DPEP1: variants seen among roughly 807,000 people sequenced by gnomAD.
The protein encoded by DPEP1 is dipeptidase 1.
Under a neutral mutation model 42.3 loss-of-function variants are expected in DPEP1, and 50 were observed. The observed-to-expected ratio is 1.18, with a 90% confidence interval of 0.94 to 1.50. DPEP1 has a LOEUF of 1.50. DPEP1 is among the 40% of genes most tolerant of loss of function. The probability of loss-of-function intolerance (pLI) is 0.00; values close to 1 mark genes in which losing one functional copy is unlikely to be tolerated. For synonymous variants in DPEP1, 297 were observed against 234.0 expected (o/e 1.27, Z -2.46); for missense variants, 663 against 553.0 (o/e 1.20, Z -1.99).
chr16:89,630,160 C>A (rs1038028906), intron 1 of DPEP1, 145 bp from the exon 2 acceptor site: 1 of 341,686 alleles, frequency 2.9e-6, no homozygotes, highest in African/African-American at 2.2e-5. Flanking sequence ...CAGACAGCAA[C>A]GCCCAGTCAT....
Position 89,637,137 on chromosome 16 carries a change from C to G in DPEP1, c.592-67C>G, listed in dbSNP as rs2059691843. 22 of 1,567,402 alleles carry G rather than the reference C, an allele frequency of 1.4e-5. No individual in the cohort carries two copies. The South Asian group carries it at 2.5e-4, about 18-fold the overall frequency. On this transcript the variant is annotated intron_variant, in intron 6 of 10. Coordinates refer to ENST00000690203, the MANE Select transcript of DPEP1 (RefSeq NM_001389466.1). ...GAAGGATGATGACTCACATCTGGTC[C>G]AGCCCGTCCACCTCCGCAGCCCCGA...
downstream of DPEP1, among the ~76,000 whole-genome samples, chr16:89,641,086 A>G (rs2059739388): frequency 6.6e-6 from 1 of 152,232 alleles, no homozygotes; most frequent in African/African-American, 2.4e-5. Flanking sequence ...CAAAGACTTT[A>G]GTACTTTCAC....
intron 2 of DPEP1, among the ~76,000 whole-genome samples, chr16:89,635,476 C>G (rs2059664758): frequency 6.6e-6 from 1 of 152,188 alleles, no homozygotes; most frequent in Non-Finnish European, 1.5e-5. Context: ...CAGCCACCCA[C>G]CATATTCCCC....
chr16:89,630,495 G>A lies in DPEP1; in HGVS notation c.85G>A (p.Asp29Asn). The A allele has an allele frequency of 6.3e-7, 1 of 1,598,648 alleles. No individual in the cohort carries two copies. Among genetic ancestry groups the A allele is most frequent in the Non-Finnish European group, 8.5e-7 (1 of 1,172,538 alleles). ...GGACGAGGCAGAGAGGATCATGAGG[G>A]ACTCCCCTGTCATTGATGGGTGAGT... ...FRDEAERIMR[D>N]SPVIDGHNDL... The change falls in exon 2 of 11, where the codon GAC becomes AAC. Residue 29 changes from aspartate (D) to asparagine (N), a missense_variant. Physicochemically the swap from Asp to Asn is conservative, Grantham distance 23. Coordinates refer to ENST00000690203, the MANE Select transcript of DPEP1 (RefSeq NM_001389466.1).
At chr16:89,633,770 T>TGAGG in intron 2 of DPEP1, among the ~76,000 whole-genome samples, 1 of 152,120 alleles carries the variant, frequency 6.6e-6, no homozygotes, top group Non-Finnish European at 1.5e-5. Context: ...CACCCTCATG[T>TGAGG]TACAGATGGG....
chr16:89,621,687 G>T (rs1483566121), intron 1 of DPEP1, among the ~76,000 whole-genome samples: 1 of 152,232 alleles, frequency 6.6e-6, no homozygotes, highest in Non-Finnish European at 1.5e-5. Context: ...GCTCAGGTGA[G>T]CAGGTGCGCG....
intron 2 of DPEP1, among the ~76,000 whole-genome samples, chr16:89,635,222 CT>C (rs150470788): frequency 1.4e-5 from 2 of 138,974 alleles, no homozygotes; most frequent in African/African-American, 6.4e-5. Context: ...CTCCTTTCCC[CT>C]TCCTTCTCAT....
chr16:89,618,260 G>T (rs561768102), intron 1 of DPEP1, among the ~76,000 whole-genome samples: 1 of 151,920 alleles, frequency 6.6e-6, no homozygotes, highest in Non-Finnish European at 1.5e-5. Flanking sequence ...TCTGTCACCC[G>T]GGCTGGAGTG....
At chr16:89,634,297 C>T (rs2059631298) in intron 2 of DPEP1, among the ~76,000 whole-genome samples, 1 of 152,144 alleles carries the variant, frequency 6.6e-6, no homozygotes, top group Admixed American at 6.6e-5. Flanking sequence ...CCATGTTAGC[C>T]AGGATGATCT....
Position 89,629,638 on chromosome 16 carries a change from G to A in DPEP1, c.-106-667G>A, listed in dbSNP as rs78459708. Among the ~76,000 whole-genome samples the A allele has an allele frequency of 5.9e-3, 893 of 151,990 alleles. 7 individuals are homozygous for A. The highest frequency in any genetic ancestry group is 0.018 in the African/African-American group (726 of 41,446). On this transcript the variant is annotated intron_variant, in intron 1 of 10. Coordinates refer to ENST00000690203, the MANE Select transcript of DPEP1 (RefSeq NM_001389466.1). ...CCAGCCCTGGGATTAAGATTCTTCC[G>A]TCAGGGCACCACCTGGGAACTGTGT...
chr16:89,630,933 A>G (rs1015858635), intron 2 of DPEP1, among the ~76,000 whole-genome samples: 7 of 151,610 alleles, frequency 4.6e-5, no homozygotes, highest in Non-Finnish European at 1.0e-4. Flanking sequence ...GGGGTCTCTC[A>G]GGGCCCCCAA....
chr16:89,613,893 G>A (rs962891330), intron 1 of DPEP1, among the ~76,000 whole-genome samples, 174 bp downstream of exon 1: 2 of 149,532 alleles, frequency 1.3e-5, no homozygotes, highest in Non-Finnish European at 3.0e-5. Flanking sequence ...TGTGCGGCAG[G>A]GGACGGGGCG....
chr16:89,635,852 G>A (rs1007343427), intron 2 of DPEP1, 56 bp from the exon 3 acceptor site: 11 of 1,529,814 alleles, frequency 7.2e-6, no homozygotes, highest in Non-Finnish European at 6.1e-6. Context: ...GAGCTCGGAA[G>A]CCCCCAGGTC....
intron 1 of DPEP1, among the ~76,000 whole-genome samples, chr16:89,624,219 T>G (rs910636974): frequency 1.3e-5 from 2 of 152,014 alleles, no homozygotes; most frequent in Non-Finnish European, 2.9e-5. Flanking sequence ...TCCCCGAGGC[T>G]GGGTCATCTA....
chr16:89,628,068 A>G (rs1597755541), intron 1 of DPEP1, among the ~76,000 whole-genome samples: 1 of 151,054 alleles, frequency 6.6e-6, no homozygotes. Flanking sequence ...GACTCCAGGC[A>G]CCCGCCACCA....
chr16:89,636,095 C>T, intron 3 of DPEP1, 55 bp downstream of exon 3: 2 of 1,567,006 alleles, frequency 1.3e-6, no homozygotes, highest in East Asian at 2.3e-5. Context: ...CGTCTCCTAC[C>T]TCAGGCCTGG....
downstream of DPEP1, among the ~76,000 whole-genome samples, chr16:89,638,969 C>T (rs1597779233): frequency 1.3e-5 from 1 of 78,090 alleles, no homozygotes; most frequent in Non-Finnish European, 2.4e-5. Flanking sequence ...ACACACCGCA[C>T]CCCTGCACAC....
At chr16:89,615,093 C>T (rs184854163) in intron 1 of DPEP1, among the ~76,000 whole-genome samples, 74 of 152,302 alleles carry the variant, frequency 4.9e-4, no homozygotes, top group Non-Finnish European at 9.3e-4. Context: ...GGCCTCCAAA[C>T]GTGGAAGTGT....
intron 1 of DPEP1, among the ~76,000 whole-genome samples, chr16:89,621,022 C>G (rs1281241701): frequency 6.6e-6 from 1 of 151,680 alleles, no homozygotes; most frequent in Non-Finnish European, 1.5e-5. Flanking sequence ...TCAGCTCGTG[C>G]CATCACGGGC....
Sources: gnomAD v4.1 joint callset for allele counts (sites outside exome capture counted in the v4.1 genomes callset) on GRCh38, gnomAD v4.1.1 for gene constraint, MANE v1.5 for transcripts, NCBI Gene and HGNC (gene_info 2026-07-23, HGNC 2026-07-21) for gene names.